GABRG3: variants seen among roughly 807,000 people sequenced by gnomAD.
GABRG3 encodes the protein gamma-aminobutyric acid type A receptor subunit gamma3.
In GABRG3, 25 loss-of-function variants were observed where a neutral mutation model predicts 48.8. The observed-to-expected ratio is 0.51, with a 90% CI of 0.37 to 0.72. The LOEUF (loss-of-function observed/expected upper bound fraction) is 0.72. GABRG3 is among the 30% of genes least tolerant of loss of function. The pLI is 0.00. For missense variants in GABRG3, 394 were observed against 577.9 expected, an observed-to-expected ratio of 0.68 and a Z score of 3.26; for synonymous variants, 227 against 217.6, an observed-to-expected ratio of 1.04 and a Z score of -0.38.
intron 3 of GABRG3, 112 bp downstream of exon 3, chr15:27,026,933 C>A: frequency 1.6e-6 from 1 of 633,194 alleles, no homozygotes. Flanking sequence ...CTCACACTGA[C>A]TTCTTAAATC....
rs1488432593 is a variant in GABRG3, at chr15:27,294,038, C to G, written c.271-32771C>G. ...GGGATTGTGATTCAAATTAGGATAT[C>G]AGAATTGGCTCCATTAAGTATGAAA... On this transcript the variant is annotated intron_variant, in intron 3 of 9. Transcript: ENST00000615808. 6.6e-5 allele frequency among the ~76,000 whole-genome samples: 10 copies of G among 151,928 alleles called. No homozygotes were observed. The South Asian group carries it at 1.0e-3, about 16-fold the overall frequency.
intron 5 of GABRG3, among the ~76,000 whole-genome samples, chr15:27,376,949 G>T (rs1895616680): frequency 6.6e-6 from 1 of 152,060 alleles, no homozygotes; most frequent in Admixed American, 6.6e-5. Flanking sequence ...AAACTTTTAT[G>T]CTCTGTTTCC....
At chr15:27,037,366 G>T (rs1433798470) in intron 3 of GABRG3, among the ~76,000 whole-genome samples, 1 of 152,170 alleles carries the variant, frequency 6.6e-6, no homozygotes, top group Non-Finnish European at 1.5e-5. Context: ...AGGGTGGCTC[G>T]ACAGTCAACA....
Position 27,480,533 on chromosome 15 carries a change from T to C in GABRG3, c.575-117T>C, listed in dbSNP as rs1890073293. The C allele has an allele frequency of 5.3e-6, 5 of 947,786 alleles. No homozygotes were observed. In the South Asian group the frequency reaches 8.9e-5, roughly 17 times the overall value. The allele number at this position is 947,786 out of a possible 1,614,324, so 58.7% of individuals were successfully genotyped here. On this transcript the variant is annotated intron_variant, in intron 5 of 9. Coordinates refer to ENST00000615808, the MANE Select transcript of GABRG3 (RefSeq NM_033223.5). ...CTTGGAGGAAAATTGAGAGTGCACA[T>C]ATGGCCTAAAAGTTTAACTCCTAAC...
At chr15:27,335,700 AGCTTCTG>A in intron 5 of GABRG3, among the ~76,000 whole-genome samples, 1 of 152,046 alleles carries the variant, frequency 6.6e-6, no homozygotes, top group East Asian at 1.9e-4. Flanking sequence ...GGGAGCACAG[AGCTTCTG>A]TGTGGGAGGA....
rs572967047 is a variant in GABRG3, at chr15:27,356,806, T to C, written c.574+27918T>C. ...GCTTAGGATTTGCATTTCATTGAGA[T>C]GGAAGGGGTTTCTTGATACAGGGTT... is the stretch of plus-strand genomic sequence containing the variant. On this transcript the variant is annotated intron_variant, in intron 5 of 9. Transcript: ENST00000615808. Among the ~76,000 whole-genome samples the C allele has an allele frequency of 3.3e-5, 5 of 152,268 alleles. No homozygotes were observed. In the South Asian group the frequency reaches 1.0e-3, roughly 32 times the overall value.
chr15:27,502,023 G>A (rs1201960468), intron 6 of GABRG3, among the ~76,000 whole-genome samples: 2 of 152,100 alleles, frequency 1.3e-5, no homozygotes, highest in Admixed American at 6.5e-5. Context: ...AGTCCTCCCA[G>A]GACTGAAGCC....
At chr15:27,102,383 T>G (rs537834140) in intron 3 of GABRG3, among the ~76,000 whole-genome samples, 1 of 152,348 alleles carries the variant, frequency 6.6e-6, no homozygotes, top group East Asian at 1.9e-4. Flanking sequence ...CTCTAAAAAC[T>G]GATTAGGAGG....
chr15:27,157,400 A>G (rs2286946), intron 3 of GABRG3, among the ~76,000 whole-genome samples: 78,353 of 152,120 alleles, frequency 0.52, 20,504 homozygotes, highest in African/African-American at 0.56. Flanking sequence ...GCCAGTAATC[A>G]TTTGTCATTT....
intron 5 of GABRG3, among the ~76,000 whole-genome samples, chr15:27,394,032 A>C (rs1399315298): frequency 6.6e-6 from 1 of 152,110 alleles, no homozygotes; most frequent in Non-Finnish European, 1.5e-5. Flanking sequence ...TCTTGTTTTA[A>C]TCTATTCTGC....
chr15:27,434,138 G>A (rs1343328190), intron 5 of GABRG3, among the ~76,000 whole-genome samples: 1 of 152,174 alleles, frequency 6.6e-6, no homozygotes, highest in Non-Finnish European at 1.5e-5. Flanking sequence ...AATAAACATG[G>A]AAATTGCTGG....
chr15:27,171,052 C>G (rs1364806356), intron 3 of GABRG3, among the ~76,000 whole-genome samples: 1 of 152,184 alleles, frequency 6.6e-6, no homozygotes, highest in African/African-American at 2.4e-5. Context: ...GGGGCACTGT[C>G]TGGTGCTGGC....
At chr15:27,050,382 TC>T (rs1896437016) in intron 3 of GABRG3, among the ~76,000 whole-genome samples, 1 of 152,180 alleles carries the variant, frequency 6.6e-6, no homozygotes, top group Non-Finnish European at 1.5e-5. Context: ...GAAATTACTG[TC>T]CCTTTCTCGC....
Position 27,236,115 on chromosome 15 carries a change from G to T in GABRG3, c.271-90694G>T, listed in dbSNP as rs1889953932. Among the ~76,000 whole-genome samples, 1 of 152,160 alleles carries T rather than the reference G, an allele frequency of 6.6e-6. No homozygotes were observed. Among genetic ancestry groups the T allele is most frequent in the Non-Finnish European group, 1.5e-5 (1 of 68,022 alleles). On this transcript the variant is annotated intron_variant, in intron 3 of 9. Coordinates refer to ENST00000615808, the MANE Select transcript of GABRG3 (RefSeq NM_033223.5). This position sits in a 1 kb window ranked among gnomAD's most constrained non-coding sequence, Gnocchi z 4.4. ...CTAGTTATATATATTTTTGGCTGGT[G>T]TGTCCTGAGCCCCATCAGATCCATG...
At position 27,532,913 on chromosome 15, in the gene GABRG3, T is replaced by G. The variant is rs1379505379; in HGVS notation, c.*32T>G. On this transcript the variant is annotated 3_prime_UTR_variant, in exon 10 of 10. Transcript: ENST00000615808. ...CTCAGAGTGAAGAGTGAAGAGCATT[T>G]GGTACACACTTGACCTTCTGTCGTC... The G allele has an allele frequency of 6.3e-7, 1 of 1,599,970 alleles. No homozygotes were observed. Among genetic ancestry groups the G allele is most frequent in the Middle Eastern group, 1.9e-4 (1 of 5,218 alleles).
Position 27,347,261 on chromosome 15 carries a change from C to T in GABRG3, c.574+18373C>T, listed in dbSNP as rs146747056. Among the ~76,000 whole-genome samples the T allele has an allele frequency of 5.2e-3, 793 of 152,330 alleles. 6 individuals carry two copies. Among genetic ancestry groups the T allele is most frequent in the African/African-American group, 0.018 (753 of 41,574 alleles). ...ATTAATCCCCTTTACTATCCTGGAG[C>T]CCTGTGGCTGTGATGGTTTAGGGTG... On this transcript the variant is annotated intron_variant, in intron 5 of 9. Coordinates refer to ENST00000615808, the MANE Select transcript of GABRG3 (RefSeq NM_033223.5).
chr15:27,034,394 A>T (rs984125331), intron 3 of GABRG3, among the ~76,000 whole-genome samples: 2 of 152,128 alleles, frequency 1.3e-5, no homozygotes, highest in African/African-American at 2.4e-5. Flanking sequence ...TGTTTTATTT[A>T]AAAAAAGAAG....
At chr15:27,169,609 C>T (rs1002282839) in intron 3 of GABRG3, among the ~76,000 whole-genome samples, 2 of 152,134 alleles carry the variant, frequency 1.3e-5, no homozygotes, top group East Asian at 1.9e-4. Context: ...GAGCTGCAGT[C>T]GATGACCAGC....
chr15:27,275,527 G>T (rs1891223990), intron 3 of GABRG3, among the ~76,000 whole-genome samples: 1 of 152,136 alleles, frequency 6.6e-6, no homozygotes, highest in African/African-American at 2.4e-5. Context: ...CAGTGTCCAG[G>T]AAAGTTCATC....
Sources: gnomAD v4.1 joint callset for allele counts (sites outside exome capture counted in the v4.1 genomes callset) on GRCh38, gnomAD v4.1.1 for gene constraint, Gnocchi (gnomAD v3.1) non-coding constraint, MANE v1.5 for transcripts, NCBI Gene and HGNC (gene_info 2026-07-23, HGNC 2026-07-21) for gene names.